The following RXFP1 variants were observed in gnomAD, a reference collection of about 807,000 sequenced individuals.
RXFP1 encodes the protein relaxin receptor 1.
A neutral mutation model predicts 89.8 loss-of-function variants in RXFP1; 73 were observed. That is an observed-to-expected ratio of 0.81 (90% CI 0.67 to 0.99). The LOEUF (loss-of-function observed/expected upper bound fraction) is 0.99. Ranked by LOEUF, RXFP1 falls within the 50% of genes least tolerant of loss-of-function variation. The probability of loss-of-function intolerance (pLI) is 0.00; values close to 1 mark genes in which losing one functional copy is unlikely to be tolerated. For synonymous variants in RXFP1, 277 were observed against 305.5 expected, an observed-to-expected ratio of 0.91 and a Z score of 0.97; for missense variants, 793 against 895.5, an observed-to-expected ratio of 0.89 and a Z score of 1.46.
At chr4:158,534,067 A>G (rs1251371444) in intron 1 of RXFP1, among the ~76,000 whole-genome samples, 3 of 152,162 alleles carry the variant, frequency 2.0e-5, no homozygotes, top group African/African-American at 7.2e-5. Context: ...TCACATGACA[A>G]TCTTACCCCC....
intron 8 of RXFP1, 138 bp downstream of exon 8, chr4:158,612,500 C>T (rs1324018771): frequency 9.8e-6 from 6 of 615,176 alleles, no homozygotes; most frequent in Non-Finnish European, 1.7e-5. Flanking sequence ...TTTTCTTAAT[C>T]ATATTCTATA....
chr4:158,650,171 C>T (rs1442602080), intron 17 of RXFP1, among the ~76,000 whole-genome samples: 3 of 152,022 alleles, frequency 2.0e-5, no homozygotes, highest in Admixed American at 1.3e-4. Flanking sequence ...ACTTACATGA[C>T]GTTTCTGATA....
intron 16 of RXFP1, among the ~76,000 whole-genome samples, chr4:158,648,123 C>T (rs1267419113): frequency 1.3e-5 from 2 of 152,122 alleles, no homozygotes; most frequent in African/African-American, 4.8e-5. Flanking sequence ...CTGCAGTGAG[C>T]TATGATTGTA....
intron 9 of RXFP1, among the ~76,000 whole-genome samples, chr4:158,625,599 G>C (rs1766544277): frequency 6.6e-6 from 1 of 151,984 alleles, no homozygotes. Context: ...TTGATTTCTA[G>C]ATACCGTACA....
At chr4:158,528,735 G>T (rs1743230501) in intron 1 of RXFP1, among the ~76,000 whole-genome samples, 2 of 152,200 alleles carry the variant, frequency 1.3e-5, no homozygotes, top group Non-Finnish European at 2.9e-5. Context: ...AGACAGCATT[G>T]CTACAGCAGA....
chr4:158,631,180 C>T (rs1767953085), intron 11 of RXFP1, among the ~76,000 whole-genome samples: 1 of 152,180 alleles, frequency 6.6e-6, no homozygotes, highest in Non-Finnish European at 1.5e-5. Context: ...TAACAAAACC[C>T]ACACTCCCAC....
intron 2 of RXFP1, among the ~76,000 whole-genome samples, chr4:158,592,598 T>TA (rs1455693718): frequency 6.6e-6 from 1 of 151,838 alleles, no homozygotes; most frequent in Non-Finnish European, 1.5e-5. Flanking sequence ...TAAAGTAACA[T>TA]AAAAAAAGTT....
At chr4:158,581,155 A>G (rs1345826795) in intron 2 of RXFP1, among the ~76,000 whole-genome samples, 1 of 152,210 alleles carries the variant, frequency 6.6e-6, no homozygotes, top group African/African-American at 2.4e-5. Flanking sequence ...GTCTAATAAG[A>G]GTTGTAATAA....
At chr4:158,523,579 T>C (rs1365258905) in intron 1 of RXFP1, among the ~76,000 whole-genome samples, 1 of 152,160 alleles carries the variant, frequency 6.6e-6, no homozygotes, top group African/African-American at 2.4e-5. Flanking sequence ...AATTTGGGAG[T>C]GTAGTGTAAG....
rs11295662 is a variant in RXFP1, at chr4:158,602,561, C to CA, written c.393-2496dup. ...ATTGAAATGAATTTATAAATAAATA[C>CA]AAAAAAAAAAAGAAGTTGGTTGCCT... On this transcript the variant is annotated intron_variant, in intron 4 of 17. Transcript: ENST00000307765. Among the ~76,000 whole-genome samples, 362 of 143,576 alleles carry CA rather than the reference C, an allele frequency of 2.5e-3. 1 individual carries two copies. Among genetic ancestry groups the CA allele is most frequent in the South Asian group, 4.2e-3 (19 of 4,552 alleles). 94.2% of individuals were successfully genotyped at this position (143,576 alleles called of 152,430 possible).
At chr4:158,618,613 A>G (rs1314269717) in intron 9 of RXFP1, among the ~76,000 whole-genome samples, 1 of 152,088 alleles carries the variant, frequency 6.6e-6, no homozygotes. Context: ...AACTAATGAT[A>G]CTATTCTTAC....
intron 1 of RXFP1, among the ~76,000 whole-genome samples, chr4:158,525,963 A>G (rs1250384898): frequency 5.9e-5 from 9 of 152,238 alleles, no homozygotes; most frequent in Non-Finnish European, 1.2e-4. Context: ...CAGACCCCTG[A>G]CCTAGCTCAC....
At chr4:158,557,493 G>A (rs1390004700) in intron 1 of RXFP1, among the ~76,000 whole-genome samples, 1 of 152,046 alleles carries the variant, frequency 6.6e-6, no homozygotes, top group East Asian at 1.9e-4. Flanking sequence ...TTAAGTATGA[G>A]TGTATTTGTT....
chr4:158,529,056 G>A (rs2149787218), intron 1 of RXFP1, among the ~76,000 whole-genome samples: 1 of 152,318 alleles, frequency 6.6e-6, no homozygotes, highest in East Asian at 1.9e-4. Flanking sequence ...TCCTGAGATA[G>A]AGTAACATGT....
chr4:158,594,267 T>A (rs1760091420), intron 3 of RXFP1, among the ~76,000 whole-genome samples: 1 of 152,178 alleles, frequency 6.6e-6, no homozygotes, highest in African/African-American at 2.4e-5. Flanking sequence ...TTGGTGACCC[T>A]CAGCTTATTC....
chr4:158,597,378 A>G (rs921627227), intron 3 of RXFP1, among the ~76,000 whole-genome samples: 1 of 152,208 alleles, frequency 6.6e-6, no homozygotes, highest in Non-Finnish European at 1.5e-5. Flanking sequence ...ATTTGGAAAG[A>G]ATTACTTACT....
At chr4:158,625,443 C>A (rs1310834584) in intron 9 of RXFP1, among the ~76,000 whole-genome samples, 1 of 152,120 alleles carries the variant, frequency 6.6e-6, no homozygotes, top group South Asian at 2.1e-4. Context: ...AAATTTGAAA[C>A]TTTTTATGTC....
intron 15 of RXFP1, among the ~76,000 whole-genome samples, chr4:158,645,980 A>G (rs1771467238): frequency 6.6e-6 from 1 of 152,196 alleles, no homozygotes; most frequent in South Asian, 2.1e-4. Flanking sequence ...CCTAGACTGT[A>G]ACTTCAGAGT....
chr4:158,631,456 A>G (rs1422558325), intron 11 of RXFP1, among the ~76,000 whole-genome samples: 1 of 152,236 alleles, frequency 6.6e-6, no homozygotes, highest in East Asian at 1.9e-4. Context: ...TTGTACTCAA[A>G]GAACTCACGT....
Sources: allele counts gnomAD v4.1 joint callset (sites outside exome capture counted in the v4.1 genomes callset), GRCh38; gene constraint gnomAD v4.1.1; transcripts MANE v1.5; gene names NCBI Gene and HGNC (gene_info 2026-07-23, HGNC 2026-07-21).